Variants in JPH3 observed in about 807,000 individuals in gnomAD.
JPH3 encodes the protein junctophilin 3.
JPH3 carries 11 observed loss-of-function variants against 59.6 expected under a neutral mutation model. That is an observed-to-expected ratio of 0.18 (90% CI 0.12 to 0.31). JPH3 has a LOEUF of 0.31. Ranked by LOEUF, JPH3 falls within the 10% of genes least tolerant of loss-of-function variation. The probability of loss-of-function intolerance (pLI) is 1.00; values close to 1 mark genes in which losing one functional copy is unlikely to be tolerated. For synonymous variants in JPH3, 673 were observed against 483.6 expected (o/e 1.39, Z -5.14); for missense variants, 1,202 against 1,105.7 (o/e 1.09, Z -1.24).
chr16:87,688,135 C>A (rs1222979425), intron 3 of JPH3, among the ~76,000 whole-genome samples: 1 of 152,160 alleles, frequency 6.6e-6, no homozygotes. Flanking sequence ...CCCAACCAGC[C>A]CAGCCCTGTT....
intron 2 of JPH3, among the ~76,000 whole-genome samples, chr16:87,667,542 G>A (rs902908977): frequency 6.6e-6 from 1 of 152,174 alleles, no homozygotes; most frequent in Non-Finnish European, 1.5e-5. Context: ...GTCTTTGGGG[G>A]CCAGGTGGGT....
chr16:87,653,095 G>A (rs1000704631), intron 2 of JPH3, among the ~76,000 whole-genome samples: 1 of 152,172 alleles, frequency 6.6e-6, no homozygotes, highest in African/African-American at 2.4e-5. Flanking sequence ...TCTCACCCAG[G>A]CCTCTGCTCT....
intron 4 of JPH3, among the ~76,000 whole-genome samples, chr16:87,690,732 C>T (rs1028739926): frequency 1.3e-5 from 2 of 152,198 alleles, no homozygotes; most frequent in African/African-American, 4.8e-5. Flanking sequence ...TGTCATACCT[C>T]TTTCCGTGAG....
intron 1 of JPH3, among the ~76,000 whole-genome samples, chr16:87,630,615 T>G (rs1459757341): frequency 2.6e-5 from 4 of 152,212 alleles, no homozygotes; most frequent in Non-Finnish European, 5.9e-5. Flanking sequence ...CTTCCCCTCC[T>G]CCTTAAAATT....
chr16:87,681,138 T>G (rs2033279547), intron 2 of JPH3, among the ~76,000 whole-genome samples: 1 of 150,672 alleles, frequency 6.6e-6, no homozygotes, highest in Admixed American at 6.6e-5. Flanking sequence ...GTGCGCGCGG[T>G]GATGACAGTT....
At position 87,644,718 on chromosome 16, in the gene JPH3, C is replaced by A. The variant is rs61737926; in HGVS notation, c.843C>A (p.Asp281Glu). The A allele has an allele frequency of 6.2e-7, 1 of 1,607,532 alleles. No individual in the cohort carries two copies. The stretch of plus-strand genomic sequence containing the variant: ...TGGCGGTCATCGAGGACGACATCGA[C>A]GCCACCACCACCGAGACCTACGTGG... ...AELAVIEDDI[D>E]ATTTETYVGE... The change falls in exon 2 of 5, where the codon GAC becomes GAA. Residue 281 changes from aspartate to glutamate, a missense_variant. Coordinates refer to ENST00000284262, the MANE Select transcript of JPH3 (RefSeq NM_020655.4).
At chr16:87,646,280 C>T (rs1013602907) in intron 2 of JPH3, among the ~76,000 whole-genome samples, 2 of 152,200 alleles carry the variant, frequency 1.3e-5, no homozygotes, top group Non-Finnish European at 2.9e-5. Flanking sequence ...ATGGTGGCTG[C>T]GGTTTGTTGG....
chr16:87,673,105 C>T (rs1013396326), intron 2 of JPH3, among the ~76,000 whole-genome samples: 9 of 151,572 alleles, frequency 5.9e-5, no homozygotes, highest in Non-Finnish European at 7.4e-5. Context: ...GAGATCGCAC[C>T]GTTGCACTCC....
At chr16:87,648,179 G>A (rs2032214631) in intron 2 of JPH3, among the ~76,000 whole-genome samples, 1 of 152,192 alleles carries the variant, frequency 6.6e-6, no homozygotes. Flanking sequence ...GATGGAGGAT[G>A]AGCCTGCATT....
At chr16:87,670,438 A>G (rs1424702312) in intron 2 of JPH3, among the ~76,000 whole-genome samples, 1 of 152,132 alleles carries the variant, frequency 6.6e-6, no homozygotes, top group Non-Finnish European at 1.5e-5. Context: ...CGATTATTCT[A>G]TCAATGGCAC....
At chr16:87,652,650 C>G (rs927929979) in intron 2 of JPH3, among the ~76,000 whole-genome samples, 3 of 152,202 alleles carry the variant, frequency 2.0e-5, no homozygotes, top group Admixed American at 2.0e-4. Context: ...GGTCAGCCCC[C>G]GTCTGTCCTG....
intron 4 of JPH3, among the ~76,000 whole-genome samples, chr16:87,690,854 C>A (rs1211577165): frequency 6.6e-6 from 1 of 152,254 alleles, no homozygotes; most frequent in East Asian, 1.9e-4. Context: ...AGAGTCTGTG[C>A]CCCTGGTCAG....
At chr16:87,655,357 GTTATTTTTT>G (rs1567601281) in intron 2 of JPH3, among the ~76,000 whole-genome samples, 35 of 50,390 alleles carry the variant, frequency 6.9e-4, no homozygotes, top group African/African-American at 2.1e-3. Flanking sequence ...GTGACAGGGT[GTTATTTTTT>G]GTGACAGGGT....
At chr16:87,647,135 G>A (rs1221511842) in intron 2 of JPH3, among the ~76,000 whole-genome samples, 3 of 152,108 alleles carry the variant, frequency 2.0e-5, no homozygotes, top group East Asian at 1.9e-4. Context: ...GGTTTTGGGG[G>A]GCCCAGGGGC....
chr16:87,685,406 C>T (rs923423566), intron 3 of JPH3, among the ~76,000 whole-genome samples: 2 of 152,258 alleles, frequency 1.3e-5, no homozygotes, highest in Non-Finnish European at 2.9e-5. Context: ...GGGCCACGTG[C>T]CCCTGTGGCC....
At chr16:87,675,103 C>G (rs1258411225) in intron 2 of JPH3, among the ~76,000 whole-genome samples, 2 of 152,048 alleles carry the variant, frequency 1.3e-5, no homozygotes, top group Non-Finnish European at 2.9e-5. Flanking sequence ...AGCCACAATC[C>G]CTGAGAATAG....
chr16:87,618,153 G>C (rs1435339594), intron 1 of JPH3, among the ~76,000 whole-genome samples: 4 of 152,132 alleles, frequency 2.6e-5, no homozygotes, highest in African/African-American at 9.7e-5. Context: ...GACATAATGA[G>C]ACGCTGTCTC....
At chr16:87,604,626 G>A (rs1036215103) in intron 1 of JPH3, 1 of 1,196,676 alleles carries the variant, frequency 8.4e-7, no homozygotes, top group African/African-American at 1.6e-5. Flanking sequence ...AATCCTGAGC[G>A]TACGTGTGCT....
At chr16:87,654,759 C>G (rs1459833373) in intron 2 of JPH3, 1 of 152,280 alleles carries the variant, frequency 6.6e-6, no homozygotes, top group African/African-American at 2.4e-5. Flanking sequence ...CAGTAAGCTG[C>G]AGGGGCTTCT....
Sources: gnomAD v4.1 joint callset for allele counts (sites outside exome capture counted in the v4.1 genomes callset) on GRCh38, gnomAD v4.1.1 for gene constraint, MANE v1.5 for transcripts, NCBI Gene and HGNC (gene_info 2026-07-23, HGNC 2026-07-21) for gene names.